DYM: variants seen among roughly 807,000 people sequenced by gnomAD.
The protein encoded by DYM is dymeclin.
In DYM, 78 loss-of-function variants were observed where a neutral mutation model predicts 93.1. That is an observed-to-expected ratio of 0.84 (90% CI 0.70 to 1.01). DYM has a LOEUF of 1.01. DYM is among the 50% of genes least tolerant of loss of function. The pLI is 0.00. For missense variants in DYM, 789 were observed against 845.0 expected (o/e 0.93, Z 0.82); for synonymous variants, 321 against 319.7 (o/e 1.00, Z -0.04).
At chr18:49,243,589 T>C (rs944580930) in intron 13 of DYM, among the ~76,000 whole-genome samples, 1 of 145,544 alleles carries the variant, frequency 6.9e-6, no homozygotes, top group African/African-American at 2.5e-5. Context: ...TGCTTGAACC[T>C]GGGAGGTGGA....
intron 14 of DYM, among the ~76,000 whole-genome samples, chr18:49,200,791 T>C (rs1218909832): frequency 2.0e-5 from 3 of 152,180 alleles, no homozygotes; most frequent in Non-Finnish European, 4.4e-5. Context: ...TTGATATATG[T>C]ATACATTGTG....
intron 11 of DYM, among the ~76,000 whole-genome samples, 196 bp downstream of exon 11, chr18:49,271,982 T>C (rs2094711992): frequency 7.5e-6 from 1 of 134,122 alleles, no homozygotes; most frequent in African/African-American, 2.8e-5. Flanking sequence ...AGAGAGTTTT[T>C]AATAGTGGTT....
At chr18:49,082,404 G>A (rs530389791) in intron 17 of DYM, among the ~76,000 whole-genome samples, 2 of 152,152 alleles carry the variant, frequency 1.3e-5, no homozygotes, top group Admixed American at 1.3e-4. Flanking sequence ...ATCTGGTAGG[G>A]TCTTGATACC....
intron 13 of DYM, among the ~76,000 whole-genome samples, chr18:49,218,945 CA>C (rs2093212561): frequency 3.3e-5 from 5 of 152,146 alleles, no homozygotes; most frequent in Admixed American, 3.3e-4. Flanking sequence ...AAAAACCCTT[CA>C]AAAAATTAAT....
chr18:49,219,424 G>C (rs1400625819), intron 13 of DYM, among the ~76,000 whole-genome samples: 1 of 152,156 alleles, frequency 6.6e-6, no homozygotes. Flanking sequence ...GCATCATCCT[G>C]ATACCAAAGC....
intron 14 of DYM, among the ~76,000 whole-genome samples, chr18:49,176,292 C>T (rs184494618): frequency 6.6e-6 from 1 of 152,128 alleles, no homozygotes; most frequent in Admixed American, 6.5e-5. Context: ...AACTATACTA[C>T]CAAATTTATA....
rs1344315081 is a variant in DYM at position 49,079,840 on chromosome 18, A to G, written c.2025+17562T>C. ...AACACGGCAACCATCCGATTTCTCA[A>G]TCTTTTCCCCACCTTCCCCCCCTTT... On this transcript the variant is annotated intron_variant, in intron 17 of 17. Transcript: ENST00000675505. Among the ~76,000 whole-genome samples, 16 of 151,592 alleles carry G rather than the reference A, an allele frequency of 1.1e-4. 1 individual carries two copies. The South Asian group carries it at 2.5e-3, about 24-fold the overall frequency.
At chr18:49,059,964 A>G (rs760569058) in intron 17 of DYM, among the ~76,000 whole-genome samples, 7 of 152,216 alleles carry the variant, frequency 4.6e-5, no homozygotes, top group Non-Finnish European at 8.8e-5. Flanking sequence ...AAGAAAACCC[A>G]ATATGAGAAT....
intron 5 of DYM, among the ~76,000 whole-genome samples, chr18:49,364,612 T>G (rs1205211100): frequency 6.6e-6 from 1 of 152,146 alleles, no homozygotes; most frequent in Non-Finnish European, 1.5e-5. Context: ...CTTAGATCTT[T>G]TCAATTACTT....
chr18:49,208,984 A>G (rs2092656784), intron 14 of DYM, among the ~76,000 whole-genome samples: 1 of 152,192 alleles, frequency 6.6e-6, no homozygotes, highest in Admixed American at 6.5e-5. Context: ...ATTATGTTTA[A>G]TCTACATTCA....
At position 49,272,207 on chromosome 18, in the gene DYM, C is replaced by A. The variant is rs17855901; in HGVS notation, c.1222G>T (p.Asp408Tyr). 1 of 1,612,020 alleles carries A rather than the reference C, an allele frequency of 6.2e-7. No homozygotes were observed. The highest frequency in any genetic ancestry group is 8.5e-7 in the Non-Finnish European group (1 of 1,178,568). ...TCATGAATGGATCTGTTGAAGCCAT[C>A]ATCTTCCGTAAGGATCAACAATATT... ...LIILLILTED[D>Y]GFNRSIHEVI... Residue 408 changes from aspartate (D) to tyrosine (Y), a missense_variant, in exon 11 of 18, where the codon GAT becomes TAT. Transcript: ENST00000675505.
chr18:49,171,645 C>T (rs2088741780), intron 14 of DYM, among the ~76,000 whole-genome samples: 1 of 152,088 alleles, frequency 6.6e-6, no homozygotes, highest in Non-Finnish European at 1.5e-5. Context: ...AAATCTCACA[C>T]CAAGTGTCAT....
At position 49,038,350 on chromosome 18, in the gene DYM, C is replaced by A. The variant is rs1223484307; in HGVS notation, c.*5705G>T. Among the ~76,000 whole-genome samples, 2 of 152,098 alleles carry A rather than the reference C, an allele frequency of 1.3e-5. No homozygotes were observed. The highest frequency in any genetic ancestry group is 3.8e-4 in the East Asian group (2 of 5,204). On this transcript the variant is annotated 3_prime_UTR_variant, in exon 18 of 18. Coordinates refer to ENST00000675505, the MANE Select transcript of DYM (RefSeq NM_001353214.3). ...TTGTCTAAATTTCCTATCAAATTTT[C>A]TTTTACATATTTTGAGTTTATATTT...
chr18:49,239,778 T>C (rs575694274), intron 13 of DYM, among the ~76,000 whole-genome samples: 1 of 152,316 alleles, frequency 6.6e-6, no homozygotes, highest in African/African-American at 2.4e-5. Context: ...AGACCACAAG[T>C]AGAGAATCAG....
At chr18:49,459,275 G>C (rs2083270899) in intron 1 of DYM, among the ~76,000 whole-genome samples, 1 of 152,140 alleles carries the variant, frequency 6.6e-6, no homozygotes, top group Non-Finnish European at 1.5e-5. Flanking sequence ...ACCTCTAAAA[G>C]ACTAGTTCTT....
At chr18:49,351,249 C>T (rs2065097606) in intron 6 of DYM, among the ~76,000 whole-genome samples, 1 of 152,032 alleles carries the variant, frequency 6.6e-6, no homozygotes, top group African/African-American at 2.4e-5. Flanking sequence ...TGGTGAAACC[C>T]TGGCTCTACT....
In DYM at chr18:49,333,731, G is replaced by C. The variant is rs534946857; in HGVS notation, c.617C>G (p.Pro206Arg). ...CATACTTAAAGTAGAAACATACCATGGACCTCGCATCAAATACTTGTGGCT... is the reference window on the plus strand; with the variant it reads ...CATACTTAAAGTAGAAACATACCATCGACCTCGCATCAAATACTTGTGGCT... ...SISHKYLMRG[P>R]CLPYTSKLVK... The change falls in exon 7 of 18, where the codon CCA (proline) becomes CGA (arginine). Residue 206 changes from proline to arginine, a missense_variant. Pro to Arg is a moderately radical substitution (Grantham distance 103, BLOSUM62 -2). Around this residue, in one of 3 missense-constraint regions of DYM, gnomAD observed 450 missense variants for 436.2 expected, o/e 1.03. Transcript: ENST00000675505. The C allele has an allele frequency of 1.2e-6, 2 of 1,613,694 alleles. No homozygotes were observed. The highest frequency in any genetic ancestry group is 4.5e-5 in the East Asian group (2 of 44,850).
chr18:49,392,705 AAAAAAG>A (rs1318284534), intron 2 of DYM, among the ~76,000 whole-genome samples: 29 of 140,798 alleles, frequency 2.1e-4, no homozygotes, highest in Admixed American at 5.7e-4. Flanking sequence ...AAAAAAAAAA[AAAAAAG>A]AGGCCAGGCG....
At chr18:49,152,218 TAAG>T (rs941216101) in intron 15 of DYM, among the ~76,000 whole-genome samples, 12 of 152,170 alleles carry the variant, frequency 7.9e-5, no homozygotes, top group African/African-American at 2.9e-4. Context: ...CCATATTCCA[TAAG>T]AAGGGACAGA....
Sources: gnomAD v4.1 joint callset for allele counts (sites outside exome capture counted in the v4.1 genomes callset) on GRCh38, gnomAD v4.1.1 for gene constraint, gnomAD v4.1.1 regional missense constraint, MANE v1.5 for transcripts, NCBI Gene and HGNC (gene_info 2026-07-23, HGNC 2026-07-21) for gene names.